Variants in CSTB observed in about 807,000 individuals in gnomAD.
The protein encoded by CSTB is cystatin-B.
Under a neutral mutation model 7.6 loss-of-function variants are expected in CSTB, and 8 were observed. The ratio of observed to expected loss-of-function variants is 1.05; its 90% CI spans 0.62 to 1.89. The LOEUF (loss-of-function observed/expected upper bound fraction) is 1.89, where lower values mean the gene tolerates loss of function less well. Ranked by LOEUF, CSTB falls within the 40% of genes most tolerant of loss-of-function variation. The pLI is 0.00. For synonymous variants in CSTB, 56 were observed against 55.3 expected (o/e 1.01, Z -0.06); for missense variants, 124 against 126.4 (o/e 0.98, Z 0.09).
intron 2 of CSTB, 34 bp downstream of exon 2, chr21:43,774,624 T>C: frequency 6.3e-7 from 1 of 1,575,548 alleles, no homozygotes; most frequent in Non-Finnish European, 8.7e-7. Flanking sequence ...CCAGCACCCG[T>C]TCGGGGCAGG....
chr21:43,774,382 C>A lies in CSTB; in HGVS notation c.169-52G>T, dbSNP rs759601624. On this transcript the variant is annotated intron_variant, in intron 2 of 2. Coordinates refer to ENST00000291568, the MANE Select transcript of CSTB (RefSeq NM_000100.4). ...CCTCTGATCCCAAGTCACCTTGCTG[C>A]GCCCCTCCAGGTCATTAGCAGCCAG... The A allele has an allele frequency of 5.0e-6, 8 of 1,613,398 alleles. No individual in the cohort carries two copies. In the South Asian group the frequency reaches 7.7e-5, roughly 16 times the overall value.
Position 43,774,517 on chromosome 21 carries a change from A to G in CSTB, c.168+141T>C, listed in dbSNP as rs981371514. On this transcript the variant is annotated intron_variant, in intron 2 of 2. Coordinates refer to ENST00000291568, the MANE Select transcript of CSTB (RefSeq NM_000100.4). ...AAGCCCTAGTCCTCCTGAAAGGCCGATGGACACACACAGTAGGATGCTTAT... is the reference window on the plus strand; with the variant it reads ...AAGCCCTAGTCCTCCTGAAAGGCCGGTGGACACACACAGTAGGATGCTTAT... The G allele has an allele frequency of 3.5e-6, 4 of 1,127,726 alleles. No homozygotes were observed. In the African/African-American group the frequency reaches 4.6e-5, roughly 13 times the overall value. The allele number at this position is 1,127,726 out of a possible 1,614,324, so 69.9% of individuals were successfully genotyped here.
In CSTB at chr21:43,774,066, G is replaced by T; in HGVS notation, c.*136C>A. On this transcript the variant is annotated 3_prime_UTR_variant, in exon 3 of 3. Transcript: ENST00000291568. ...TAGGAAGAGAAATGCAAAAGCAGCT[G>T]CAGAATCCTGCCCCTTCCACCCCAA... 1 of 1,059,100 alleles carries T rather than the reference G, an allele frequency of 9.4e-7. No individual in the cohort carries two copies. Among genetic ancestry groups the T allele is most frequent in the African/African-American group, 1.6e-5 (1 of 63,726 alleles). 65.6% of individuals were successfully genotyped at this position (1,059,100 alleles called of 1,614,324 possible).
At chr21:43,775,904 G>C in intron 1 of CSTB, 1 of 346,400 alleles carries the variant, frequency 2.9e-6, no homozygotes, top group Non-Finnish European at 5.2e-6. Flanking sequence ...CTCATCCCTG[G>C]GGTTTCCTCT....
Sources: gnomAD v4.1 joint callset for allele counts on GRCh38, gnomAD v4.1.1 for gene constraint, MANE v1.5 for transcripts, NCBI Gene and HGNC (gene_info 2026-07-23, HGNC 2026-07-21) for gene names.